Variants in ZNF670 observed in about 807,000 individuals in gnomAD.
ZNF670 encodes the protein zinc finger protein 670.
In ZNF670, 7 loss-of-function variants were observed where a neutral mutation model predicts 10.9. The observed-to-expected ratio is 0.64, with a 90% confidence interval of 0.36 to 1.20. ZNF670 has a LOEUF of 1.20. Among genes scored for constraint, ZNF670 ranks in the 50% most tolerant of loss-of-function variants. The pLI, the probability that ZNF670 is intolerant of heterozygous loss-of-function variation, is 0.02. For synonymous variants in ZNF670, 136 were observed against 152.7 expected (o/e 0.89, Z 0.81); for missense variants, 446 against 458.6 (o/e 0.97, Z 0.25).
At chr1:247,047,698 A>G (rs781444403) in intron 1 of ZNF670, among the ~76,000 whole-genome samples, 1 of 152,030 alleles carries the variant, frequency 6.6e-6, no homozygotes, top group Non-Finnish European at 1.5e-5. Flanking sequence ...AATCGTGGCA[A>G]AGGTTCCCAA....
Position 247,078,649 on chromosome 1 carries a change from G to C in ZNF670, c.-53C>G, listed in dbSNP as rs1026815586. The stretch of plus-strand genomic sequence containing the variant: ...CCCTAAGGACCTTCCGGGACCTGCA[G>C]GTCCCAGAGCAACAGAAGCTGCCGC... On this transcript the variant is annotated 5_prime_UTR_variant, in exon 1 of 4. Coordinates refer to ENST00000366503, the MANE Select transcript of ZNF670 (RefSeq NM_033213.5). 1 of 1,608,346 alleles carries C rather than the reference G, an allele frequency of 6.2e-7. No homozygotes were observed. The highest frequency in any genetic ancestry group is 1.7e-5 in the Admixed American group (1 of 59,664).
chr1:247,053,613 G>A (rs905839940), intron 1 of ZNF670, among the ~76,000 whole-genome samples: 3 of 152,184 alleles, frequency 2.0e-5, no homozygotes, highest in African/African-American at 7.2e-5. Context: ...TCCAGCCTGG[G>A]CAACACAGCG....
intron 1 of ZNF670, among the ~76,000 whole-genome samples, chr1:247,075,102 G>A (rs1671223676): frequency 6.6e-6 from 1 of 152,192 alleles, no homozygotes; most frequent in Non-Finnish European, 1.5e-5. Context: ...AGAACTGAGT[G>A]AGGCACTTAC....
chr1:247,049,410 C>A (rs548058490), intron 1 of ZNF670, among the ~76,000 whole-genome samples: 1 of 152,242 alleles, frequency 6.6e-6, no homozygotes, highest in African/African-American at 2.4e-5. Flanking sequence ...TTTCTCTCTT[C>A]TTTTCTTGGT....
chr1:247,063,662 A>G (rs74155752), intron 1 of ZNF670, among the ~76,000 whole-genome samples: 4,022 of 150,402 alleles, frequency 0.027, 188 homozygotes, highest in African/African-American at 0.091. Context: ...AGGACAAGAC[A>G]GTGGATTTGA....
chr1:247,056,379 A>G (rs1670715313), intron 1 of ZNF670, among the ~76,000 whole-genome samples: 1 of 152,216 alleles, frequency 6.6e-6, no homozygotes. Flanking sequence ...TAACAAGACA[A>G]CTTTTGTAAA....
At chr1:247,051,617 T>C (rs181649770) in intron 1 of ZNF670, among the ~76,000 whole-genome samples, 10 of 152,334 alleles carry the variant, frequency 6.6e-5, no homozygotes, top group Non-Finnish European at 1.5e-5. Flanking sequence ...TGATACATTT[T>C]CCAGGTGTTG....
intron 1 of ZNF670, among the ~76,000 whole-genome samples, chr1:247,059,991 A>G (rs1411178766): frequency 1.3e-5 from 2 of 152,238 alleles, no homozygotes; most frequent in Admixed American, 6.5e-5. Flanking sequence ...AGATCTGAAT[A>G]AATGGAGAGA....
chr1:247,077,400 G>A (rs61852642), intron 1 of ZNF670, among the ~76,000 whole-genome samples: 17,653 of 152,068 alleles, frequency 0.12, 1,154 homozygotes, highest in South Asian at 0.2. Context: ...GGTGGCTGAG[G>A]ACATATCACC....
chr1:247,059,551 G>A (rs1426657867), intron 1 of ZNF670, among the ~76,000 whole-genome samples: 1 of 151,876 alleles, frequency 6.6e-6, no homozygotes, highest in Non-Finnish European at 1.5e-5. Flanking sequence ...GATAATCATG[G>A]CTGATTCAAA....
chr1:247,037,434 T>C lies in ZNF670; in HGVS notation c.*15A>G. The C allele has an allele frequency of 6.4e-7, 1 of 1,574,064 alleles. No homozygotes were observed. The highest frequency in any genetic ancestry group is 1.4e-5 in the African/African-American group (1 of 73,272). On this transcript the variant is annotated 3_prime_UTR_variant, in exon 4 of 4. Coordinates refer to ENST00000366503, the MANE Select transcript of ZNF670 (RefSeq NM_033213.5). ...ACTTCTTACATTGACAGAGGTGTTT[T>C]GTTGTTGTTGTTTTTTACCACATAT... is the stretch of plus-strand genomic sequence containing the variant.
At chr1:247,062,648 C>T (rs964399600) in intron 1 of ZNF670, among the ~76,000 whole-genome samples, 2 of 152,230 alleles carry the variant, frequency 1.3e-5, no homozygotes, top group Non-Finnish European at 2.9e-5. Context: ...ACTGCTCCCC[C>T]AAGTGTACTG....
rs1670113968 is a variant in ZNF670 at position 247,034,983 on chromosome 1, G to A, written c.*2466C>T. 6.6e-6 allele frequency among the ~76,000 whole-genome samples: 1 copy of A among 152,242 alleles called. No homozygotes were observed. The highest frequency in any genetic ancestry group is 6.5e-5 in the Admixed American group (1 of 15,282). On this transcript the variant is annotated 3_prime_UTR_variant, in exon 4 of 4. Transcript: ENST00000366503. ...GGGGAACGGCTGGTCAACCAGTCAT[G>A]TCTAGGAGTTGAGAGTTCTACTGTG...
chr1:247,056,053 C>A lies in ZNF670; in HGVS notation c.4-16516G>T, dbSNP rs936002992. 5.9e-5 allele frequency among the ~76,000 whole-genome samples: 9 copies of A among 151,516 alleles called. No individual in the cohort carries two copies. In the South Asian group the frequency reaches 1.9e-3, roughly 32 times the overall value. On this transcript the variant is annotated intron_variant, in intron 1 of 3. Transcript: ENST00000366503. ...TAATAGAGCTAAAGAGAGAGAGACCCCAAAACAATAACAGCTATAGACTTC... is the reference window on the plus strand; with the variant it reads ...TAATAGAGCTAAAGAGAGAGAGACCACAAAACAATAACAGCTATAGACTTC...
At chr1:247,059,059 T>C (rs1246674226) in intron 1 of ZNF670, among the ~76,000 whole-genome samples, 4 of 151,642 alleles carry the variant, frequency 2.6e-5, no homozygotes, top group Non-Finnish European at 5.9e-5. Flanking sequence ...CTACCAAAAC[T>C]ACAGGAATAC....
chr1:247,037,544 G>A lies in ZNF670; in HGVS notation c.1075C>T (p.His359Tyr). ...CATTCATAGGGTTTTTCTCCAGTAT[G>A]AGTCCTTTCATGGCTTCGAAGGGCA... ...SSALRSHERT[H>Y]TGEKPYECKK... The change falls in exon 4 of 4, where the codon CAT (histidine) becomes TAT (tyrosine). Residue 359 changes from histidine (H) to tyrosine (Y), a missense_variant. By Grantham distance (83) the His-to-Tyr change is moderately conservative (BLOSUM62 2). Coordinates refer to ENST00000366503, the MANE Select transcript of ZNF670 (RefSeq NM_033213.5). 6.2e-7 allele frequency: 1 copy of A among 1,614,124 alleles called. No individual in the cohort carries two copies. The highest frequency in any genetic ancestry group is 1.3e-5 in the African/African-American group (1 of 75,050).
Position 247,035,797 on chromosome 1 carries a change from A to G in ZNF670, c.*1652T>C, listed in dbSNP as rs1670136703. Among the ~76,000 whole-genome samples the G allele has an allele frequency of 6.6e-6, 1 of 152,224 alleles. No individual in the cohort carries two copies. The highest frequency in any genetic ancestry group is 2.4e-5 in the African/African-American group (1 of 41,466). ...CACTGGAAAATTGAACGTTATCAAT[A>G]TGGGTTGAGTGTTTCTTATCTGAAA... On this transcript the variant is annotated 3_prime_UTR_variant, in exon 4 of 4. Transcript: ENST00000366503.
intron 1 of ZNF670, among the ~76,000 whole-genome samples, chr1:247,060,224 T>G (rs1670826344): frequency 6.6e-6 from 1 of 152,230 alleles, no homozygotes; most frequent in South Asian, 2.1e-4. Context: ...ACACTAAGAC[T>G]TAATGTAAAG....
chr1:247,049,794 A>C (rs956328367), intron 1 of ZNF670, among the ~76,000 whole-genome samples: 1 of 152,236 alleles, frequency 6.6e-6, no homozygotes, highest in Non-Finnish European at 1.5e-5. Flanking sequence ...TCAGTCATTC[A>C]GGAGCAGATT....
Sources: allele counts gnomAD v4.1 joint callset (sites outside exome capture counted in the v4.1 genomes callset), GRCh38; gene constraint gnomAD v4.1.1; transcripts MANE v1.5; gene names NCBI Gene and HGNC (gene_info 2026-07-23, HGNC 2026-07-21).